The following TMEM114 variants were observed in gnomAD, a reference collection of about 807,000 sequenced individuals.
The protein encoded by TMEM114 is claudin-26.
TMEM114 carries 6 observed loss-of-function variants against 6.2 expected under a neutral mutation model. That is an observed-to-expected ratio of 0.97 (90% CI 0.53 to 1.91). The LOEUF is 1.91. Ranked by LOEUF, TMEM114 falls within the 40% of genes most tolerant of loss-of-function variation. The pLI is 0.01. For missense variants in TMEM114, 218 were observed against 158.3 expected, an observed-to-expected ratio of 1.38 and a Z score of -2.02; for synonymous variants, 104 against 73.0, an observed-to-expected ratio of 1.42 and a Z score of -2.16.
intron 2 of TMEM114, among the ~76,000 whole-genome samples, chr16:8,563,045 T>G (rs1209816822): frequency 5.5e-5 from 6 of 109,572 alleles, no homozygotes; most frequent in African/African-American, 7.2e-5. Context: ...AGTGAATGAG[T>G]AAATTGAGTG....
intron 2 of TMEM114, among the ~76,000 whole-genome samples, chr16:8,572,882 C>T (rs1240157634): frequency 6.6e-6 from 1 of 152,164 alleles, no homozygotes; most frequent in South Asian, 2.1e-4. Context: ...CCTCCACAGC[C>T]GTGGGACCTT....
chr16:8,590,048 C>G lies in TMEM114; in HGVS notation c.-210G>C, dbSNP rs1902436664. ...CCGGCTCCGACCTGCACGCGCCCCC[C>G]GCTCAGCCGCCGTCCACGTTCCCAC... On this transcript the variant is annotated 5_prime_UTR_variant, in exon 1 of 4. Transcript: ENST00000620492. The G allele has an allele frequency of 5.3e-6, 2 of 378,482 alleles. No individual in the cohort carries two copies. The highest frequency in any genetic ancestry group is 9.4e-6 in the Non-Finnish European group (2 of 213,886). The allele number at this position is 378,482 out of a possible 1,614,324, so 23.4% of individuals were successfully genotyped here. A position where few individuals can be genotyped will look rare whatever the true frequency, so the allele number is the denominator to read the frequency against.
At chr16:8,537,438 T>G (rs988604148), downstream of TMEM114, among the ~76,000 whole-genome samples, 1 of 151,816 alleles carries the variant, frequency 6.6e-6, no homozygotes, top group Non-Finnish European at 1.5e-5. Flanking sequence ...GAGGCAGAGG[T>G]TTCAGTGAGC....
downstream of TMEM114, among the ~76,000 whole-genome samples, chr16:8,532,677 C>T (rs767331995): frequency 2.0e-5 from 3 of 152,196 alleles, no homozygotes; most frequent in Non-Finnish European, 4.4e-5. Flanking sequence ...GTAATCCCAG[C>T]ACTTTGGGAG....
At chr16:8,535,204 G>A (rs565063377), downstream of TMEM114, among the ~76,000 whole-genome samples, 1 of 152,154 alleles carries the variant, frequency 6.6e-6, no homozygotes, top group South Asian at 2.1e-4. Context: ...GAAATAAAAT[G>A]CAGTCATAGA....
At chr16:8,566,760 C>A (rs998978404), downstream of TMEM114, among the ~76,000 whole-genome samples, 2 of 152,186 alleles carry the variant, frequency 1.3e-5, no homozygotes, top group African/African-American at 4.8e-5. Flanking sequence ...CTGCTGTCAC[C>A]TGCCTGGTCT....
intron 3 of TMEM114, among the ~76,000 whole-genome samples, chr16:8,571,073 G>GT (rs954773775): frequency 1.3e-5 from 2 of 148,664 alleles, no homozygotes; most frequent in Non-Finnish European, 3.0e-5. Context: ...CATCCCTTTT[G>GT]TTTTTTTTCC....
At position 8,563,525 on chromosome 16, in the gene TMEM114, ATGAGTAAGTGAATGAG is replaced by A. The variant is rs796525306; in HGVS notation, n.212+25672_212+25687del. ...AGGGAGGGAGGAAAAGAGTGAGTGAATGAGTAAGTGAATGAGTGAGTAAGTGAATGAGTGACTGAGG... is the reference window on the plus strand; with the variant it reads ...AGGGAGGGAGGAAAAGAGTGAGTGAATGAGTAAGTGAATGAGTGACTGAGG... On this transcript the variant is annotated intron_variant and non_coding_transcript_variant, in intron 2 of 2. Coordinates refer to the TMEM114 transcript ENST00000623677. Among the ~76,000 whole-genome samples the A allele has an allele frequency of 2.4e-4, 36 of 149,422 alleles. 1 individual carries two copies. Among genetic ancestry groups the A allele is most frequent in the African/African-American group, 7.3e-4 (29 of 39,704 alleles).
At chr16:8,584,146 A>G (rs1902241712) in intron 2 of TMEM114, among the ~76,000 whole-genome samples, 1 of 152,250 alleles carries the variant, frequency 6.6e-6, no homozygotes, top group South Asian at 2.1e-4. Flanking sequence ...AGAAGAAAGC[A>G]AAGCCCAAAA....
downstream of TMEM114, among the ~76,000 whole-genome samples, chr16:8,533,235 T>G (rs1900265992): frequency 2.0e-5 from 3 of 152,342 alleles, no homozygotes; most frequent in South Asian, 6.2e-4. Flanking sequence ...AAGGGATTAC[T>G]TTCGATTAGT....
At chr16:8,536,041 C>T (rs1027558481), downstream of TMEM114, among the ~76,000 whole-genome samples, 13 of 152,170 alleles carry the variant, frequency 8.5e-5, no homozygotes, top group Admixed American at 4.6e-4. Flanking sequence ...GCCTGTCCAA[C>T]GTTGTGAAAC....
chr16:8,555,448 C>T (rs1900979394), intron 2 of TMEM114, among the ~76,000 whole-genome samples: 1 of 143,246 alleles, frequency 7.0e-6, no homozygotes, highest in African/African-American at 2.6e-5. Flanking sequence ...TCAGAATCAG[C>T]TAGAAAATGA....
At chr16:8,547,364 G>T (rs917258359) in intron 2 of TMEM114, among the ~76,000 whole-genome samples, 1 of 150,420 alleles carries the variant, frequency 6.6e-6, no homozygotes, top group South Asian at 2.1e-4. Context: ...TGCCCCTGAA[G>T]AGACGCGCTT....
chr16:8,528,183 G>A, the TMEM114 span, among the ~76,000 whole-genome samples: 2 of 152,090 alleles, frequency 1.3e-5, no homozygotes, highest in Non-Finnish European at 2.9e-5. Flanking sequence ...CTACAGGTTT[G>A]AGCCACCATG....
intron 2 of TMEM114, among the ~76,000 whole-genome samples, chr16:8,538,390 C>T (rs1168201621): frequency 6.6e-6 from 1 of 152,030 alleles, no homozygotes; most frequent in South Asian, 2.1e-4. Context: ...CAGATAGAGA[C>T]CTGAGGCAGG....
At chr16:8,562,485 T>G in intron 2 of TMEM114, among the ~76,000 whole-genome samples, 1 of 149,552 alleles carries the variant, frequency 6.7e-6, no homozygotes, top group Non-Finnish European at 1.5e-5. Flanking sequence ...AGTGAGTGAA[T>G]GAGTATGTGA....
intron 2 of TMEM114, among the ~76,000 whole-genome samples, chr16:8,549,885 T>TC (rs1423833260): frequency 6.6e-6 from 1 of 151,934 alleles, no homozygotes; most frequent in African/African-American, 2.4e-5. Context: ...CAAGGTGAAG[T>TC]CCCCCCACAG....
chr16:8,530,306 G>C, the TMEM114 span, among the ~76,000 whole-genome samples: 2 of 152,166 alleles, frequency 1.3e-5, no homozygotes, highest in African/African-American at 4.8e-5. Flanking sequence ...GTATTGCGGA[G>C]ACCTGGCTCC....
intron 2 of TMEM114, among the ~76,000 whole-genome samples, chr16:8,575,915 T>G (rs913248260): frequency 2.6e-5 from 4 of 152,318 alleles, no homozygotes; most frequent in Admixed American, 2.6e-4. Context: ...GGAGACCTGA[T>G]TCCCATTCAT....
Sources: gnomAD v4.1 joint callset for allele counts (sites outside exome capture counted in the v4.1 genomes callset) on GRCh38, gnomAD v4.1.1 for gene constraint, MANE v1.5 for transcripts, NCBI Gene and HGNC (gene_info 2026-07-23, HGNC 2026-07-21) for gene names.